Variants in GNB4 observed in about 807,000 individuals in gnomAD.
The protein encoded by GNB4 is guanine nucleotide-binding protein subunit beta-4.
A neutral mutation model predicts 45.2 loss-of-function variants in GNB4; 28 were observed. That is an observed-to-expected ratio of 0.62 (90% CI 0.46 to 0.85). The LOEUF (loss-of-function observed/expected upper bound fraction) is 0.85, where lower values mean the gene tolerates loss of function less well. Ranked by LOEUF, GNB4 falls within the 40% of genes least tolerant of loss-of-function variation. The pLI is 0.00. For synonymous variants in GNB4, 132 were observed against 143.7 expected, an observed-to-expected ratio of 0.92 and a Z score of 0.58; for missense variants, 321 against 425.4, an observed-to-expected ratio of 0.75 and a Z score of 2.16.
intron 1 of GNB4, among the ~76,000 whole-genome samples, chr3:179,439,337 C>A (rs574161953): frequency 6.6e-6 from 1 of 152,268 alleles, no homozygotes; most frequent in South Asian, 2.1e-4. Flanking sequence ...AATCCTTACA[C>A]ATAAAGACAT....
the GNB4 span, among the ~76,000 whole-genome samples, chr3:179,514,385 T>C: frequency 6.6e-6 from 1 of 152,156 alleles, no homozygotes; most frequent in African/African-American, 2.4e-5. Context: ...TGGAAAAGCA[T>C]GGTGGGAAGT....
chr3:179,465,732 T>A, the GNB4 span, among the ~76,000 whole-genome samples: 1 of 152,050 alleles, frequency 6.6e-6, no homozygotes, highest in Non-Finnish European at 1.5e-5. Flanking sequence ...TTTTCTTATT[T>A]AATCAATGTA....
chr3:179,468,020 C>G, the GNB4 span, among the ~76,000 whole-genome samples: 1 of 58,716 alleles, frequency 1.7e-5, no homozygotes, highest in South Asian at 5.7e-4. Flanking sequence ...TTTAAAGGAT[C>G]ATTTTGTTGA....
At chr3:179,525,579 C>T in the GNB4 span, among the ~76,000 whole-genome samples, 22 of 152,210 alleles carry the variant, frequency 1.4e-4, no homozygotes, top group East Asian at 3.7e-3. Context: ...GAGGTGTCCC[C>T]GTGGTGATCA....
At chr3:179,419,920 G>C (rs1324228429) in intron 3 of GNB4, among the ~76,000 whole-genome samples, 1 of 151,734 alleles carries the variant, frequency 6.6e-6, no homozygotes, top group African/African-American at 2.4e-5. Flanking sequence ...TAATAATAAT[G>C]ATCAATATTA....
At chr3:179,482,014 C>CCGGG in the GNB4 span, among the ~76,000 whole-genome samples, 1 of 152,046 alleles carries the variant, frequency 6.6e-6, no homozygotes, top group Admixed American at 6.6e-5. Flanking sequence ...ACAATCCTCC[C>CCGGG]GGCTCAGCCT....
At chr3:179,422,815 C>G (rs1157362771) in intron 2 of GNB4, among the ~76,000 whole-genome samples, 2 of 151,854 alleles carry the variant, frequency 1.3e-5, no homozygotes, top group Non-Finnish European at 2.9e-5. Context: ...TTTTTTGAGA[C>G]AGAGTCTTGC....
At chr3:179,476,677 GAGAA>G in the GNB4 span, among the ~76,000 whole-genome samples, 8 of 152,302 alleles carry the variant, frequency 5.3e-5, 2 homozygotes, top group East Asian at 1.9e-4. Flanking sequence ...AACATAGGTG[GAGAA>G]AGCCATGTCC....
At chr3:179,477,681 G>A in the GNB4 span, among the ~76,000 whole-genome samples, 1 of 152,032 alleles carries the variant, frequency 6.6e-6, no homozygotes, top group Admixed American at 6.5e-5. Context: ...AGACCAGCCT[G>A]GTCAATAAAG....
At chr3:179,412,328 C>T (rs1268040984) in intron 8 of GNB4, among the ~76,000 whole-genome samples, 1 of 149,204 alleles carries the variant, frequency 6.7e-6, no homozygotes, top group African/African-American at 2.5e-5. Flanking sequence ...AACAAACAAA[C>T]ACTAGCCAGG....
the GNB4 span, among the ~76,000 whole-genome samples, chr3:179,502,378 C>T: frequency 6.6e-6 from 1 of 151,730 alleles, no homozygotes; most frequent in African/African-American, 2.4e-5. Flanking sequence ...GCATTACAGG[C>T]ACCCGCCACC....
At chr3:179,498,744 G>GCTTGTTTTTTTTTTTTTTTTTTTTTT in the GNB4 span, among the ~76,000 whole-genome samples, 1 of 80,340 alleles carries the variant, frequency 1.2e-5, no homozygotes. Flanking sequence ...GTTGGTTGAG[G>GCTTGTTTTTTTTTTTTTTTTTTTTTT]TTTGGTTTTT....
At chr3:179,423,653 T>C (rs529717977) in intron 2 of GNB4, among the ~76,000 whole-genome samples, 1 of 152,184 alleles carries the variant, frequency 6.6e-6, no homozygotes, top group East Asian at 1.9e-4. Flanking sequence ...TGGTGGTGTG[T>C]GCCTATAGAC....
the GNB4 span, among the ~76,000 whole-genome samples, chr3:179,518,447 C>T: frequency 3.3e-5 from 5 of 151,870 alleles, no homozygotes; most frequent in Admixed American, 6.6e-5. Context: ...CCACAAGTGT[C>T]GCTGAGTCTT....
chr3:179,527,790 A>ATGTATGTGTG, the GNB4 span, among the ~76,000 whole-genome samples: 1 of 142,336 alleles, frequency 7.0e-6, no homozygotes, highest in African/African-American at 2.6e-5. Flanking sequence ...GTGTGTATGT[A>ATGTATGTGTG]TGTGTGTGTG....
At chr3:179,462,674 A>G in the GNB4 span, among the ~76,000 whole-genome samples, 6 of 152,142 alleles carry the variant, frequency 3.9e-5, no homozygotes, top group African/African-American at 9.7e-5. Context: ...TCCCGTCTCT[A>G]CTAAAAATAC....
the GNB4 span, among the ~76,000 whole-genome samples, chr3:179,517,001 G>A: frequency 6.6e-6 from 1 of 152,116 alleles, no homozygotes; most frequent in Non-Finnish European, 1.5e-5. Flanking sequence ...TAATGATGGA[G>A]GATCCTCGCA....
intron 1 of GNB4, among the ~76,000 whole-genome samples, chr3:179,436,817 A>G (rs2108614002): frequency 6.6e-6 from 1 of 152,322 alleles, no homozygotes; most frequent in East Asian, 1.9e-4. Context: ...TTTTGCTACC[A>G]AGTTACTCAT....
At chr3:179,401,410 ATCAG>A (rs1464741344) in intron 9 of GNB4, 91 bp from the exon 10 acceptor site, 52 of 586,908 alleles carry the variant, frequency 8.9e-5, no homozygotes, top group Non-Finnish European at 1.4e-4. Flanking sequence ...CTTATAAACT[ATCAG>A]TCCAGTTTTC....
Sources: gnomAD v4.1 joint callset for allele counts (sites outside exome capture counted in the v4.1 genomes callset) on GRCh38, gnomAD v4.1.1 for gene constraint, MANE v1.5 for transcripts, NCBI Gene and HGNC (gene_info 2026-07-23, HGNC 2026-07-21) for gene names.